The following CFAP161 variants were observed in gnomAD, a reference collection of about 807,000 sequenced individuals.
CFAP161 encodes the protein cilia- and flagella-associated protein 161.
A neutral mutation model predicts 29.0 loss-of-function variants in CFAP161; 25 were observed. The ratio of observed to expected loss-of-function variants is 0.86; its 90% confidence interval spans 0.63 to 1.20. The LOEUF (loss-of-function observed/expected upper bound fraction) is 1.20, where lower values mean the gene tolerates loss of function less well. Among genes scored for constraint, CFAP161 ranks in the 50% most tolerant of loss-of-function variants. The pLI is 0.00. For synonymous variants in CFAP161, 116 were observed against 137.4 expected, an observed-to-expected ratio of 0.84 and a Z score of 1.09; for missense variants, 367 against 371.9, an observed-to-expected ratio of 0.99 and a Z score of 0.11.
chr15:81,111,440 C>T (rs1006313002), intron 1 of CFAP161, among the ~76,000 whole-genome samples: 3 of 152,206 alleles, frequency 2.0e-5, no homozygotes, highest in African/African-American at 7.2e-5. Context: ...CACACGGCAT[C>T]ACCTCTCCTG....
In CFAP161 at chr15:81,143,696, A is replaced by G; in HGVS notation, c.512A>G (p.Lys171Arg). ...YLSSDHRTLL[K>R]SSKRSWLQEV... ...TCAAGTGACCACAGGACCCTCCTGA[A>G]ATCGTCTAAGAGGTCTTGGCTCCAG... Residue 171 changes from lysine (K) to arginine (R), a missense_variant, in exon 5 of 7, where the codon AAA (lysine) becomes AGA (arginine). Physicochemically the swap from Lys to Arg is conservative, Grantham distance 26. Coordinates refer to ENST00000286732, the MANE Select transcript of CFAP161 (RefSeq NM_173528.4). 2 of 1,614,002 alleles carry G rather than the reference A, an allele frequency of 1.2e-6. No individual in the cohort carries two copies. Among genetic ancestry groups the G allele is most frequent in the Non-Finnish European group, 1.7e-6 (2 of 1,179,952 alleles).
At chr15:81,122,033 A>G (rs1049816218) in intron 1 of CFAP161, among the ~76,000 whole-genome samples, 4 of 152,258 alleles carry the variant, frequency 2.6e-5, no homozygotes, top group Non-Finnish European at 4.4e-5. Flanking sequence ...ATGTCCCTGC[A>G]GAGGACATGA....
upstream of CFAP161, among the ~76,000 whole-genome samples, chr15:81,132,032 T>C (rs1380377930): frequency 1.3e-5 from 2 of 152,134 alleles, no homozygotes; most frequent in African/African-American, 4.8e-5. Context: ...ATCCCAGCAC[T>C]TTGGAAGGCT....
upstream of CFAP161, among the ~76,000 whole-genome samples, chr15:81,133,103 A>G (rs1015580107): frequency 1.2e-4 from 18 of 146,134 alleles, no homozygotes; most frequent in African/African-American, 4.6e-4. Context: ...CCATCACTCA[A>G]AGGCCATCCA....
intron 1 of CFAP161, among the ~76,000 whole-genome samples, chr15:81,100,674 G>A (rs1595906420): frequency 6.7e-6 from 1 of 150,226 alleles, no homozygotes; most frequent in East Asian, 1.9e-4. Flanking sequence ...GTTTAAGTTG[G>A]CCAGGTATTT....
chr15:81,121,520 C>T (rs58280869), intron 1 of CFAP161, among the ~76,000 whole-genome samples: 86,267 of 151,422 alleles, frequency 0.57, 25,877 homozygotes, highest in Non-Finnish European at 0.68. Context: ...AAAAACACAT[C>T]TGACTTTTTT....
intron 1 of CFAP161, among the ~76,000 whole-genome samples, chr15:81,134,699 C>G (rs1894777924): frequency 6.6e-6 from 1 of 152,146 alleles, no homozygotes; most frequent in Non-Finnish European, 1.5e-5. Context: ...TAGTCTAGAG[C>G]CCCACTAAGT....
intron 1 of CFAP161, 47 bp from the exon 2 acceptor site, chr15:81,135,223 C>T (rs1343640204): frequency 1.5e-6 from 2 of 1,321,782 alleles, no homozygotes; most frequent in Non-Finnish European, 1.0e-6. Context: ...GTTATTAATA[C>T]TAACATCTAT....
intron 2 of CFAP161, among the ~76,000 whole-genome samples, chr15:81,136,145 A>C (rs1233334052): frequency 6.6e-6 from 1 of 152,268 alleles, no homozygotes; most frequent in African/African-American, 2.4e-5. Context: ...CTAAGATTTT[A>C]GAAACATAAA....
At chr15:81,108,733 A>C (rs1038311751) in intron 1 of CFAP161, among the ~76,000 whole-genome samples, 12 of 152,338 alleles carry the variant, frequency 7.9e-5, no homozygotes, top group Admixed American at 7.2e-4. Flanking sequence ...TGTAATTAAA[A>C]GGTAAAAATA....
intron 2 of CFAP161, 88 bp downstream of exon 2, chr15:81,135,447 G>A (rs1894793766): frequency 3.7e-6 from 3 of 810,906 alleles, no homozygotes; most frequent in Middle Eastern, 3.8e-4. Flanking sequence ...CATATGCTAT[G>A]TTGGTGTGCT....
chr15:81,115,236 T>A (rs1176737812), intron 1 of CFAP161, among the ~76,000 whole-genome samples: 11 of 152,206 alleles, frequency 7.2e-5, no homozygotes, highest in African/African-American at 2.7e-4. Context: ...CATTAGTGAC[T>A]CCATTTTGAT....
upstream of CFAP161, among the ~76,000 whole-genome samples, chr15:81,133,519 T>G (rs899195870): frequency 1.3e-5 from 2 of 152,188 alleles, no homozygotes; most frequent in African/African-American, 4.8e-5. Context: ...AATTACTGAA[T>G]GCATTCAATC....
intron 3 of CFAP161, 61 bp from the exon 4 acceptor site, chr15:81,137,990 T>A: frequency 3.9e-6 from 5 of 1,284,100 alleles, no homozygotes; most frequent in South Asian, 1.3e-5. Context: ...AAAAATAGAG[T>A]CATAGAATGA....
chr15:81,124,975 T>C (rs1350924312), intron 1 of CFAP161, among the ~76,000 whole-genome samples: 1 of 152,024 alleles, frequency 6.6e-6, no homozygotes, highest in African/African-American at 2.4e-5. Context: ...TGTTTGGCAA[T>C]TTGTTTCAGT....
chr15:81,124,356 T>C (rs1894613667), intron 1 of CFAP161, among the ~76,000 whole-genome samples: 1 of 152,242 alleles, frequency 6.6e-6, no homozygotes, highest in African/African-American at 2.4e-5. Flanking sequence ...ATCCTGGGGA[T>C]GAAGCCTATT....
chr15:81,137,771 T>C (rs1359297926), intron 3 of CFAP161, among the ~76,000 whole-genome samples: 1 of 152,220 alleles, frequency 6.6e-6, no homozygotes, highest in East Asian at 1.9e-4. Context: ...TTCCTTAGTA[T>C]ACATTAGCAA....
chr15:81,114,614 CAT>C (rs1894474133), intron 1 of CFAP161, among the ~76,000 whole-genome samples: 1 of 152,164 alleles, frequency 6.6e-6, no homozygotes, highest in Non-Finnish European at 1.5e-5. Flanking sequence ...ATATGCATGT[CAT>C]AGTAAACTAA....
At position 81,143,775 on chromosome 15, in the gene CFAP161, C is replaced by T. The variant is rs1294242747; in HGVS notation, c.591C>T (p.Phe197=). 1 of 1,614,164 alleles carries T rather than the reference C, an allele frequency of 6.2e-7. No individual in the cohort carries two copies. Among genetic ancestry groups the T allele is most frequent in the Non-Finnish European group, 8.5e-7 (1 of 1,180,032 alleles). The change falls in exon 5 of 7, where the codon TTC becomes TTT. Residue 197 remains phenylalanine, a synonymous_variant. Transcript: ENST00000286732. ...VSHVNCWQAA[F]PDPQLRLEYE... is the part of the protein sequence containing the mutation. The stretch of plus-strand genomic sequence containing the variant: ...ATGTGAACTGCTGGCAGGCTGCCTT[C>T]CCTGACCCCCAGTTACGCCTGGAAT...
Sources: allele counts gnomAD v4.1 joint callset (sites outside exome capture counted in the v4.1 genomes callset), GRCh38; gene constraint gnomAD v4.1.1; transcripts MANE v1.5; gene names NCBI Gene and HGNC (gene_info 2026-07-23, HGNC 2026-07-21).